The following SLC12A8 variants were observed in gnomAD, a reference collection of about 807,000 sequenced individuals.
SLC12A8 encodes cation-chloride cotransporter 9.
A neutral mutation model predicts 75.6 loss-of-function variants in SLC12A8; 69 were observed. That is an observed-to-expected ratio of 0.91 (90% confidence interval 0.75 to 1.11). The LOEUF (loss-of-function observed/expected upper bound fraction) is 1.11, where lower values mean the gene tolerates loss of function less well. Ranked by LOEUF, SLC12A8 falls within the 50% of genes most tolerant of loss-of-function variation. The probability of loss-of-function intolerance (pLI) is 0.00; values close to 1 mark genes in which losing one functional copy is unlikely to be tolerated. For synonymous variants in SLC12A8, 365 were observed against 372.8 expected (o/e 0.98, Z 0.24); for missense variants, 877 against 896.7 (o/e 0.98, Z 0.28).
At chr3:125,120,723 C>T in intron 6 of SLC12A8, 37 bp from the exon 7 acceptor site, 10 of 1,505,184 alleles carry the variant, frequency 6.6e-6, no homozygotes, top group African/African-American at 1.4e-5. Context: ...GGTGAGCAGC[C>T]TCCTCCACGC....
At chr3:125,196,024 A>G (rs1242679088) in intron 2 of SLC12A8, among the ~76,000 whole-genome samples, 1 of 152,218 alleles carries the variant, frequency 6.6e-6, no homozygotes, top group African/African-American at 2.4e-5. Flanking sequence ...TCAGCTGCAA[A>G]AAGGTTATCA....
chr3:125,148,635 C>A (rs1300574558), intron 5 of SLC12A8, among the ~76,000 whole-genome samples: 2 of 152,140 alleles, frequency 1.3e-5, no homozygotes, highest in African/African-American at 4.8e-5. Context: ...TTCACTCCCA[C>A]CCCCAACCCT....
At chr3:125,179,653 A>G (rs1338996132) in intron 4 of SLC12A8, among the ~76,000 whole-genome samples, 2 of 152,158 alleles carry the variant, frequency 1.3e-5, no homozygotes, top group African/African-American at 2.4e-5. Flanking sequence ...TTCTGTCCAT[A>G]TTAGGATGAG....
intron 10 of SLC12A8, among the ~76,000 whole-genome samples, chr3:125,094,479 T>C (rs1938664074): frequency 6.6e-6 from 1 of 152,154 alleles, no homozygotes; most frequent in Non-Finnish European, 1.5e-5. Flanking sequence ...CCCTCTATTC[T>C]GCCTTCCTTC....
intron 13 of SLC12A8, among the ~76,000 whole-genome samples, chr3:125,087,077 C>T (rs1289961470): frequency 7.3e-5 from 11 of 149,902 alleles, no homozygotes; most frequent in Admixed American, 2.6e-4. Flanking sequence ...GTACATCTCA[C>T]GTTACATGTA....
chr3:125,185,964 T>G (rs561356944), intron 4 of SLC12A8, among the ~76,000 whole-genome samples: 1 of 152,312 alleles, frequency 6.6e-6, no homozygotes, highest in East Asian at 1.9e-4. Flanking sequence ...TGAACATCTT[T>G]TTTCCAAATC....
chr3:125,190,293 C>T, intron 3 of SLC12A8, 82 bp downstream of exon 3: 1 of 1,476,320 alleles, frequency 6.8e-7, no homozygotes, highest in Non-Finnish European at 9.3e-7. Context: ...GAATCTGTGG[C>T]CTGCACTGTA....
chr3:125,150,072 C>A (rs376241470), intron 5 of SLC12A8, among the ~76,000 whole-genome samples: 13 of 152,304 alleles, frequency 8.5e-5, no homozygotes, highest in African/African-American at 2.9e-4. Flanking sequence ...TATTTACATA[C>A]AATTTTGCAT....
intron 13 of SLC12A8, 147 bp downstream of exon 13, chr3:125,088,163 A>G (rs1279985795): frequency 2.2e-5 from 15 of 686,548 alleles, no homozygotes; most frequent in Non-Finnish European, 3.8e-5. Context: ...ACGCAGGAGC[A>G]ACATCTGAGT....
At position 125,157,129 on chromosome 3, in the gene SLC12A8, C is replaced by G. The variant is rs146743175; in HGVS notation, c.622+20614G>C. On this transcript the variant is annotated intron_variant, in intron 5 of 13. Transcript: ENST00000469902. ...ATGTGAGCTCAATTATGCTTTAAAA[C>G]GAAAAAGGATGAAAAAAAGGCTATA... Among the ~76,000 whole-genome samples, 297 of 146,386 alleles carry G rather than the reference C, an allele frequency of 2.0e-3. 6 individuals are homozygous for G. The East Asian group carries it at 0.027, about 13-fold the overall frequency.
chr3:125,129,977 C>A (rs1052212417), intron 6 of SLC12A8, among the ~76,000 whole-genome samples: 4 of 152,282 alleles, frequency 2.6e-5, no homozygotes, highest in Non-Finnish European at 5.9e-5. Context: ...TCCTCTGCAC[C>A]CCTCCTCCCC....
rs554958772 is a variant in SLC12A8, at chr3:125,198,877, A to G, written c.52-8356T>C. Reference sequence around the variant, plus strand: ...ACTGCAAGCTCCACCTCTCGAGTTCATGCCATTCCCCTGCCTCAGCCTCCC... The same window carrying G: ...ACTGCAAGCTCCACCTCTCGAGTTCGTGCCATTCCCCTGCCTCAGCCTCCC... On this transcript the variant is annotated intron_variant, in intron 2 of 13. Transcript: ENST00000469902. Among the ~76,000 whole-genome samples the G allele has an allele frequency of 1.9e-4, 29 of 151,160 alleles. No homozygotes were observed. In the East Asian group the frequency reaches 4.7e-3, roughly 25 times the overall value.
In SLC12A8 at chr3:125,177,890, C is replaced by T; in HGVS notation, c.475G>A (p.Gly159Arg). 5 of 1,614,202 alleles carry T rather than the reference C, an allele frequency of 3.1e-6. No homozygotes were observed. Among genetic ancestry groups the T allele is most frequent in the Non-Finnish European group, 4.2e-6 (5 of 1,180,040 alleles). ...GCCAGAAGCACCGCAACTGAAATTC[C>T]TCGCACAGCCCAGATATTCCCGAGG... ...LGLGNIWAVR[G>R]ISVAVLLALL... The change falls in exon 5 of 14, where the codon GGA becomes AGA. Residue 159 changes from glycine (G) to arginine (R), a missense_variant. By Grantham distance (125) the Gly-to-Arg change is moderately radical (BLOSUM62 -2). Coordinates refer to ENST00000469902, the MANE Select transcript of SLC12A8 (RefSeq NM_024628.6).
At chr3:125,174,989 T>C (rs1004389245) in intron 5 of SLC12A8, among the ~76,000 whole-genome samples, 1 of 152,188 alleles carries the variant, frequency 6.6e-6, no homozygotes, top group African/African-American at 2.4e-5. Context: ...TCACTTCCAG[T>C]AAATGTACCA....
chr3:125,131,158 C>T lies in SLC12A8; in HGVS notation c.736+4511G>A, dbSNP rs570336969. On this transcript the variant is annotated intron_variant, in intron 6 of 13. Coordinates refer to ENST00000469902, the MANE Select transcript of SLC12A8 (RefSeq NM_024628.6). ...TCTGTCCATTCAGGAGGAAGCTGAC[C>T]TATATTCTCTTGTCTTGTGGGAGAC... Among the ~76,000 whole-genome samples the T allele has an allele frequency of 2.9e-4, 44 of 152,250 alleles. 1 individual carries two copies. The highest frequency in any genetic ancestry group is 9.4e-4 in the African/African-American group (39 of 41,552).
chr3:125,155,495 G>T (rs1209619077), intron 5 of SLC12A8, among the ~76,000 whole-genome samples: 4 of 152,014 alleles, frequency 2.6e-5, no homozygotes, highest in Non-Finnish European at 5.9e-5. Flanking sequence ...GTTTGAGCCG[G>T]GCGCGGTGGC....
intron 2 of SLC12A8, among the ~76,000 whole-genome samples, chr3:125,210,268 G>A (rs1579551209): frequency 6.6e-6 from 1 of 152,194 alleles, no homozygotes; most frequent in South Asian, 2.1e-4. Flanking sequence ...GTGACAAATT[G>A]TTGATAAGAA....
At chr3:125,173,186 A>G (rs1359831797) in intron 5 of SLC12A8, among the ~76,000 whole-genome samples, 1 of 152,154 alleles carries the variant, frequency 6.6e-6, no homozygotes, top group Non-Finnish European at 1.5e-5. Flanking sequence ...TCTCAAAAAA[A>G]CAAACAAACA....
intron 3 of SLC12A8, among the ~76,000 whole-genome samples, chr3:125,188,172 G>A (rs550652046): frequency 1.5e-3 from 234 of 152,228 alleles, no homozygotes; most frequent in Non-Finnish European, 2.6e-3. Context: ...CACTCTGTTC[G>A]TTCACAGGAG....
Sources: allele counts gnomAD v4.1 joint callset (sites outside exome capture counted in the v4.1 genomes callset), GRCh38; gene constraint gnomAD v4.1.1; transcripts MANE v1.5; gene names NCBI Gene and HGNC (gene_info 2026-07-23, HGNC 2026-07-21).